The following KSR2 variants were observed in gnomAD, a reference collection of about 807,000 sequenced individuals.
KSR2 encodes the protein kinase suppressor of ras 2.
Under a neutral mutation model 107.8 loss-of-function variants are expected in KSR2, and 25 were observed. The ratio of observed to expected loss-of-function variants is 0.23; its 90% CI spans 0.17 to 0.32. The LOEUF is 0.32. Ranked by LOEUF, KSR2 falls within the 10% of genes least tolerant of loss-of-function variation. KSR2 has a pLI of 1.00. For synonymous variants in KSR2, 480 were observed against 507.0 expected, an observed-to-expected ratio of 0.95 and a Z score of 0.71; for missense variants, 887 against 1,268.9, an observed-to-expected ratio of 0.70 and a Z score of 4.57.
At chr12:117,545,981 C>T (rs972555690) in intron 9 of KSR2, among the ~76,000 whole-genome samples, 1 of 152,102 alleles carries the variant, frequency 6.6e-6, no homozygotes, top group Non-Finnish European at 1.5e-5. Context: ...GAAAGTGTTA[C>T]AATTTTTGCT....
At position 117,820,742 on chromosome 12, in the gene KSR2, G is replaced by A. The variant is rs1448316775; in HGVS notation, c.472+34686C>T. Among the ~76,000 whole-genome samples, 4 of 151,914 alleles carry A rather than the reference G, an allele frequency of 2.6e-5. No individual in the cohort carries two copies. The East Asian group carries it at 7.8e-4, about 29-fold the overall frequency. On this transcript the variant is annotated intron_variant, in intron 3 of 19. Coordinates refer to ENST00000339824, the MANE Select transcript of KSR2 (RefSeq NM_173598.6). ...CTCAGATATGCCATAAAACCTGGCA[G>A]CAGTCAGAGTCAGTGTGAAAAAAAA...
intron 1 of KSR2, among the ~76,000 whole-genome samples, chr12:117,896,986 G>A (rs753949150): frequency 1.3e-5 from 2 of 152,138 alleles, no homozygotes; most frequent in Non-Finnish European, 2.9e-5. Flanking sequence ...GGAAAAGCCT[G>A]ACAAGACAGG....
intron 1 of KSR2, among the ~76,000 whole-genome samples, chr12:117,904,590 T>C (rs1448419120): frequency 2.0e-5 from 3 of 152,320 alleles, no homozygotes; most frequent in Admixed American, 6.5e-5. Context: ...TATGTGCCAG[T>C]ATCCTACTAA....
intron 4 of KSR2, among the ~76,000 whole-genome samples, chr12:117,709,875 G>A (rs1279053436): frequency 6.6e-6 from 1 of 152,134 alleles, no homozygotes; most frequent in Non-Finnish European, 1.5e-5. Flanking sequence ...GACATTGCCC[G>A]CTGTCCCCTG....
intron 9 of KSR2, among the ~76,000 whole-genome samples, chr12:117,553,851 C>T (rs11068539): frequency 0.027 from 4,046 of 150,298 alleles, 149 homozygotes; most frequent in African/African-American, 0.086. Flanking sequence ...CCTCTCCTCT[C>T]TCTCTCTCTC....
chr12:117,843,929 C>A (rs1264949800), intron 3 of KSR2, among the ~76,000 whole-genome samples: 2 of 127,550 alleles, frequency 1.6e-5, no homozygotes. Flanking sequence ...TTAAGCTTCC[C>A]TTTTTTTTTT....
intron 4 of KSR2, among the ~76,000 whole-genome samples, chr12:117,692,090 G>A (rs1885838679): frequency 6.6e-6 from 1 of 152,010 alleles, no homozygotes; most frequent in Non-Finnish European, 1.5e-5. Flanking sequence ...TACAAATATG[G>A]ATCAAAAAGA....
At chr12:117,518,153 G>A (rs1286367312) in intron 14 of KSR2, among the ~76,000 whole-genome samples, 2 of 152,098 alleles carry the variant, frequency 1.3e-5, no homozygotes, top group Admixed American at 1.3e-4. Flanking sequence ...TCATGCACGC[G>A]GGCAACAGTT....
chr12:117,716,812 C>T (rs1248922664), intron 4 of KSR2, among the ~76,000 whole-genome samples: 1 of 152,142 alleles, frequency 6.6e-6, no homozygotes, highest in Admixed American at 6.5e-5. Flanking sequence ...TGTGATGTAG[C>T]TCAAATGAGA....
At chr12:117,783,662 C>T (rs1009232062) in intron 3 of KSR2, among the ~76,000 whole-genome samples, 2 of 152,166 alleles carry the variant, frequency 1.3e-5, no homozygotes, top group South Asian at 2.1e-4. Context: ...TGAAGCATGG[C>T]CATTATGGCG....
chr12:117,474,964 C>A (rs1186187495), intron 17 of KSR2, among the ~76,000 whole-genome samples: 2 of 152,122 alleles, frequency 1.3e-5, no homozygotes, highest in African/African-American at 2.4e-5. Context: ...AGGCAGCTAT[C>A]TAGGCACCAC....
At chr12:117,678,346 T>C (rs1215788139) in intron 4 of KSR2, among the ~76,000 whole-genome samples, 1 of 152,026 alleles carries the variant, frequency 6.6e-6, no homozygotes, top group Non-Finnish European at 1.5e-5. Flanking sequence ...AAGAGGATAC[T>C]ACCCCCACCC....
rs115320979 is a variant in KSR2 at position 117,901,156 on chromosome 12, G to A, written c.181-40725C>T. Among the ~76,000 whole-genome samples, 934 of 152,166 alleles carry A rather than the reference G, an allele frequency of 6.1e-3. 8 individuals are homozygous for A. Among genetic ancestry groups the A allele is most frequent in the African/African-American group, 0.021 (859 of 41,506 alleles). ...GCCGGGTGACACAAGTGAGGCACTC[G>A]GCTTGGGTGCAAAATGGGAGGCTGC... is the stretch of plus-strand genomic sequence containing the variant. On this transcript the variant is annotated intron_variant, in intron 1 of 19. Transcript: ENST00000339824.
intron 3 of KSR2, among the ~76,000 whole-genome samples, chr12:117,803,380 C>G (rs2137027817): frequency 6.6e-6 from 1 of 152,264 alleles, no homozygotes; most frequent in South Asian, 2.1e-4. Context: ...CCTATGTACC[C>G]CCGACCCCAT....
intron 16 of KSR2, among the ~76,000 whole-genome samples, 178 bp downstream of exon 16, chr12:117,484,238 C>A (rs1413368758): frequency 1.3e-5 from 2 of 152,182 alleles, no homozygotes; most frequent in Non-Finnish European, 2.9e-5. Context: ...TGCTGGCCCC[C>A]CCAGGGGGAA....
At position 117,711,298 on chromosome 12, in the gene KSR2, G is replaced by C. The variant is rs548536108; in HGVS notation, c.987-43640C>G. ...ATGGGCTCTCTGAGTGGCTGAAACTGAGATCAGAAGGATCAGAAGGAGTCA... is the reference window on the plus strand; with the variant it reads ...ATGGGCTCTCTGAGTGGCTGAAACTCAGATCAGAAGGATCAGAAGGAGTCA... On this transcript the variant is annotated intron_variant, in intron 4 of 19. Coordinates refer to ENST00000339824, the MANE Select transcript of KSR2 (RefSeq NM_173598.6). Among the ~76,000 whole-genome samples the C allele has an allele frequency of 1.4e-4, 21 of 152,336 alleles. 1 individual carries two copies. The South Asian group carries it at 4.3e-3, about 32-fold the overall frequency.
intron 3 of KSR2, among the ~76,000 whole-genome samples, chr12:117,821,061 C>T (rs10850906): frequency 0.088 from 13,468 of 152,192 alleles, 668 homozygotes; most frequent in African/African-American, 0.11. Flanking sequence ...CTATCTGAGC[C>T]TCAGTTTCTG....
At chr12:117,539,643 G>A (rs1876325198) in intron 10 of KSR2, 76 bp downstream of exon 10, 3 of 1,388,502 alleles carry the variant, frequency 2.2e-6, no homozygotes, top group Non-Finnish European at 2.9e-6. Flanking sequence ...TCAGGGCTCT[G>A]GCATGAACCC....
chr12:117,635,227 A>C (rs1883011374), intron 5 of KSR2, among the ~76,000 whole-genome samples: 1 of 152,196 alleles, frequency 6.6e-6, no homozygotes, highest in Non-Finnish European at 1.5e-5. Flanking sequence ...GCTATTAAAA[A>C]CACCACTAAA....
Sources: gnomAD v4.1 joint callset for allele counts (sites outside exome capture counted in the v4.1 genomes callset) on GRCh38, gnomAD v4.1.1 for gene constraint, MANE v1.5 for transcripts, NCBI Gene and HGNC (gene_info 2026-07-23, HGNC 2026-07-21) for gene names.